Variants in HMCN1 observed in about 807,000 individuals in gnomAD.
The protein encoded by HMCN1 is hemicentin 1.
A neutral mutation model predicts 625.9 loss-of-function variants in HMCN1; 321 were observed. That is an observed-to-expected ratio of 0.51 (90% CI 0.47 to 0.56). The LOEUF is 0.56. Among genes scored for constraint, HMCN1 ranks in the 20% least tolerant of loss-of-function variants. The probability of loss-of-function intolerance (pLI) is 0.00; values close to 1 mark genes in which losing one functional copy is unlikely to be tolerated. For synonymous variants in HMCN1, 2,425 were observed against 2,417.6 expected (o/e 1.00, Z -0.09); for missense variants, 6,588 against 6,887.3 (o/e 0.96, Z 1.54).
rs1657067261 is a variant in HMCN1 at position 186,052,984 on chromosome 1, A to C, written c.6610A>C (p.Thr2204Pro). 1 of 1,607,766 alleles carries C rather than the reference A, an allele frequency of 6.2e-7. No individual in the cohort carries two copies. ...PPNIGGSDEL[T>P]QLTVIEGNLI... ...AAATATTGGTGGTTCTGATGAACTT[A>C]CTCAACTTACAGTCATTGAAGGGAA... Residue 2204 changes from threonine to proline, a missense_variant, in exon 43 of 107, where the codon ACT (threonine) becomes CCT (proline). Around this residue, in one of 3 missense-constraint regions of HMCN1, gnomAD observed 4,628 missense variants for 4,853.1 expected, o/e 0.95. Transcript: ENST00000271588.
intron 5 of HMCN1, among the ~76,000 whole-genome samples, chr1:185,910,388 G>A (rs1418439330): frequency 6.6e-6 from 1 of 152,044 alleles, no homozygotes; most frequent in Non-Finnish European, 1.5e-5. Context: ...TGTTGAAGTA[G>A]CATTCTACTG....
chr1:185,873,690 A>G (rs1663768635), intron 4 of HMCN1, among the ~76,000 whole-genome samples: 1 of 152,068 alleles, frequency 6.6e-6, no homozygotes, highest in South Asian at 2.1e-4. Context: ...TAACTCTCAC[A>G]GAAAATAGAA....
At chr1:185,849,867 C>T (rs770429639) in intron 2 of HMCN1, among the ~76,000 whole-genome samples, 9 of 151,822 alleles carry the variant, frequency 5.9e-5, no homozygotes, top group East Asian at 1.9e-4. Flanking sequence ...TCTTATACCA[C>T]GGCATTTTTT....
In HMCN1 at chr1:186,108,600, A is replaced by T. The variant is rs1299047787; in HGVS notation, c.10989+3A>T. ...TCAGAAATGGAGAACGGTTACAGGT[A>T]AATTTTTTGATAAGCTCCACAAATT... On this transcript the variant is annotated splice_donor_region_variant and intron_variant, in intron 71 of 106. Coordinates refer to ENST00000271588, the MANE Select transcript of HMCN1 (RefSeq NM_031935.3). 1 of 1,614,108 alleles carries T rather than the reference A, an allele frequency of 6.2e-7. No homozygotes were observed. The highest frequency in any genetic ancestry group is 8.5e-7 in the Non-Finnish European group (1 of 1,179,980).
At chr1:186,130,825 C>T in intron 85 of HMCN1, 128 bp downstream of exon 85, 1 of 898,654 alleles carries the variant, frequency 1.1e-6, no homozygotes. Flanking sequence ...TCAAATAACT[C>T]CTTTTAAAAA....
At chr1:185,748,655 T>C (rs1226195407) in intron 1 of HMCN1, among the ~76,000 whole-genome samples, 1 of 152,236 alleles carries the variant, frequency 6.6e-6, no homozygotes, top group Admixed American at 6.5e-5. Context: ...GAATGGATTC[T>C]AATATCAAAT....
At chr1:185,858,586 A>ATTTTTTTTTT (rs71101980) in intron 2 of HMCN1, among the ~76,000 whole-genome samples, 6 of 34,746 alleles carry the variant, frequency 1.7e-4, no homozygotes, top group Non-Finnish European at 2.2e-4. Flanking sequence ...CACCCAGCTA[A>ATTTTTTTTTT]TTTTTTTTTT....
intron 1 of HMCN1, among the ~76,000 whole-genome samples, chr1:185,837,398 C>A (rs1031092373): frequency 6.6e-6 from 1 of 151,568 alleles, no homozygotes; most frequent in African/African-American, 2.4e-5. Context: ...TTTTTGCTAT[C>A]TTTTTTTAGA....
intron 49 of HMCN1, among the ~76,000 whole-genome samples, chr1:186,066,234 G>A (rs114893074): frequency 1.5e-3 from 226 of 152,258 alleles, no homozygotes; most frequent in African/African-American, 5.2e-3. Context: ...TGTCATAAGT[G>A]TATAAGTGTA....
At chr1:185,828,335 G>T (rs148821363) in intron 1 of HMCN1, among the ~76,000 whole-genome samples, 39 of 152,182 alleles carry the variant, frequency 2.6e-4, no homozygotes, top group African/African-American at 8.9e-4. Flanking sequence ...TCATGGTCTT[G>T]ATGTTAAACA....
intron 2 of HMCN1, among the ~76,000 whole-genome samples, chr1:185,864,085 G>A (rs185456108): frequency 6.6e-6 from 1 of 152,298 alleles, no homozygotes; most frequent in African/African-American, 2.4e-5. Context: ...TGTGGTGGGA[G>A]CTTATGAACA....
chr1:185,786,623 C>A (rs1377041799), intron 1 of HMCN1, among the ~76,000 whole-genome samples: 1 of 152,150 alleles, frequency 6.6e-6, no homozygotes, highest in Non-Finnish European at 1.5e-5. Flanking sequence ...GCTGCAAATG[C>A]CCTCTTAAAA....
At chr1:186,130,410 C>A in intron 84 of HMCN1, 97 bp from the exon 85 acceptor site, 1 of 1,242,412 alleles carries the variant, frequency 8.0e-7, no homozygotes, top group African/African-American at 1.5e-5. Flanking sequence ...GGCTTTACTC[C>A]CCTCTTTACT....
intron 4 of HMCN1, among the ~76,000 whole-genome samples, chr1:185,879,361 G>A (rs940387316): frequency 1.3e-5 from 2 of 151,926 alleles, no homozygotes; most frequent in African/African-American, 2.4e-5. Flanking sequence ...TTGTAGAGAG[G>A]GGGTCTTTCT....
intron 38 of HMCN1, 122 bp downstream of exon 38, chr1:186,039,127 G>T (rs1656030502): frequency 3.9e-6 from 3 of 765,648 alleles, no homozygotes; most frequent in East Asian, 5.1e-5. Flanking sequence ...TTATGTAAGG[G>T]CACAGTGTTC....
In HMCN1 at chr1:186,144,261, T is replaced by C. The variant is rs767566717; in HGVS notation, c.14013T>C (p.Asn4671=). The change falls in exon 90 of 107, where the codon AAT becomes AAC. Residue 4671 remains asparagine, a synonymous_variant. Coordinates refer to ENST00000271588, the MANE Select transcript of HMCN1 (RefSeq NM_031935.3). ...KGTQTRARLC[N]NPPPAFGGSY... ...CTCAGACAAGAGCAAGACTTTGTAA[T>C]AACCCACCACCAGCGTTTGGTGGGT... 1.2e-6 allele frequency: 2 copies of C among 1,614,052 alleles called. No individual in the cohort carries two copies. The highest frequency in any genetic ancestry group is 2.2e-5 in the South Asian group (2 of 91,058).
intron 1 of HMCN1, among the ~76,000 whole-genome samples, chr1:185,756,070 A>C (rs1408937029): frequency 6.6e-6 from 1 of 152,172 alleles, no homozygotes; most frequent in African/African-American, 2.4e-5. Context: ...TCAGATCCAC[A>C]GGATGGACAA....
chr1:186,063,650 C>CT (rs1462731336), intron 48 of HMCN1, among the ~76,000 whole-genome samples: 2 of 151,524 alleles, frequency 1.3e-5, no homozygotes, highest in African/African-American at 4.9e-5. Flanking sequence ...TTTTCTTTTC[C>CT]TTTTTTTCTT....
At chr1:186,001,851 A>G (rs548566637) in intron 28 of HMCN1, 110 bp downstream of exon 28, 2 of 906,204 alleles carry the variant, frequency 2.2e-6, no homozygotes, top group East Asian at 5.3e-5. Flanking sequence ...CAGAAAAACT[A>G]TAGTTTCATT....
Sources: gnomAD v4.1 joint callset for allele counts (sites outside exome capture counted in the v4.1 genomes callset) on GRCh38, gnomAD v4.1.1 for gene constraint, gnomAD v4.1.1 regional missense constraint, MANE v1.5 for transcripts, NCBI Gene and HGNC (gene_info 2026-07-23, HGNC 2026-07-21) for gene names.